GLRA3: variants seen among roughly 807,000 people sequenced by gnomAD.
GLRA3 encodes glycine receptor alpha 3, also known as glycine receptor subunit alpha-3.
A neutral mutation model predicts 60.4 loss-of-function variants in GLRA3; 44 were observed. The ratio of observed to expected loss-of-function variants is 0.73; its 90% CI spans 0.57 to 0.94. The LOEUF is 0.94. Ranked by LOEUF, GLRA3 falls within the 40% of genes least tolerant of loss-of-function variation. The probability of loss-of-function intolerance (pLI) is 0.00; values close to 1 mark genes in which losing one functional copy is unlikely to be tolerated. For missense variants in GLRA3, 508 were observed against 564.6 expected, an observed-to-expected ratio of 0.90 and a Z score of 1.02; for synonymous variants, 223 against 192.9, an observed-to-expected ratio of 1.16 and a Z score of -1.29.
At chr4:174,816,953 C>A (rs544646481) in intron 1 of GLRA3, among the ~76,000 whole-genome samples, 64 of 152,268 alleles carry the variant, frequency 4.2e-4, no homozygotes, top group Non-Finnish European at 4.4e-4. Context: ...CACCCCTCAA[C>A]TATTTCCATA....
At chr4:174,716,619 T>C (rs1169935826) in intron 4 of GLRA3, among the ~76,000 whole-genome samples, 1 of 152,134 alleles carries the variant, frequency 6.6e-6, no homozygotes, top group Non-Finnish European at 1.5e-5. Context: ...GTGGATTAGT[T>C]TACTTAAACT....
At chr4:174,656,616 TGC>T (rs1733217178) in intron 9 of GLRA3, 125 bp downstream of exon 9, 1 of 527,490 alleles carries the variant, frequency 1.9e-6, no homozygotes, top group South Asian at 3.2e-5. Flanking sequence ...GGATGATATT[TGC>T]TCAGCTTTCA....
At chr4:174,739,752 A>G (rs1736941429) in intron 3 of GLRA3, among the ~76,000 whole-genome samples, 1 of 152,206 alleles carries the variant, frequency 6.6e-6, no homozygotes, top group Non-Finnish European at 1.5e-5. Context: ...GCTACTTTGT[A>G]GCAAACATGG....
intron 2 of GLRA3, among the ~76,000 whole-genome samples, chr4:174,781,855 A>C (rs1249006531): frequency 6.6e-6 from 1 of 152,136 alleles, no homozygotes; most frequent in Non-Finnish European, 1.5e-5. Flanking sequence ...TCCAGGACCA[A>C]AAATGGATTC....
intron 1 of GLRA3, among the ~76,000 whole-genome samples, chr4:174,794,141 T>A (rs1739469903): frequency 6.6e-6 from 1 of 152,076 alleles, no homozygotes; most frequent in South Asian, 2.1e-4. Context: ...TAAAATAGAA[T>A]AAGAAAATAA....
intron 5 of GLRA3, among the ~76,000 whole-genome samples, chr4:174,694,208 A>C (rs528683807): frequency 1.3e-5 from 2 of 152,156 alleles, no homozygotes; most frequent in Non-Finnish European, 2.9e-5. Flanking sequence ...ACATATTCAG[A>C]ATGTAAACTC....
intron 3 of GLRA3, among the ~76,000 whole-genome samples, chr4:174,764,323 T>C (rs1490564871): frequency 6.6e-6 from 1 of 152,118 alleles, no homozygotes; most frequent in Non-Finnish European, 1.5e-5. Flanking sequence ...GAGCTCAATA[T>C]ATTTAGCCAG....
chr4:174,825,688 A>C (rs1179281217), intron 1 of GLRA3, among the ~76,000 whole-genome samples: 1 of 152,156 alleles, frequency 6.6e-6, no homozygotes, highest in Non-Finnish European at 1.5e-5. Flanking sequence ...AAAGCCATAG[A>C]AAAATTATTA....
intron 1 of GLRA3, among the ~76,000 whole-genome samples, chr4:174,821,201 G>C (rs1490232427): frequency 6.6e-6 from 1 of 152,124 alleles, no homozygotes; most frequent in Non-Finnish European, 1.5e-5. Context: ...ACGTTAGTAA[G>C]AGCAGCAGTG....
Position 174,658,300 on chromosome 4 carries a change from C to T in GLRA3, c.1071+754G>A, listed in dbSNP as rs553142289. 3.0e-4 allele frequency among the ~76,000 whole-genome samples: 46 copies of T among 152,170 alleles called. No homozygotes were observed. In the South Asian group the frequency reaches 8.1e-3, roughly 27 times the overall value. ...CATTAGAAGTAAATGCGTGGATCTG[C>T]GGTTGATAGAGGCTCTCTCTTATAG... On this transcript the variant is annotated intron_variant, in intron 8 of 9. Transcript: ENST00000274093.
intron 1 of GLRA3, among the ~76,000 whole-genome samples, chr4:174,808,908 A>C (rs1325132632): frequency 6.6e-6 from 1 of 152,212 alleles, no homozygotes; most frequent in African/African-American, 2.4e-5. Context: ...AAGAGTCAAA[A>C]ATTTAAAAAA....
chr4:174,821,138 T>A (rs889927695), intron 1 of GLRA3, among the ~76,000 whole-genome samples: 14 of 152,134 alleles, frequency 9.2e-5, no homozygotes, highest in African/African-American at 3.4e-4. Context: ...GACATAGAAA[T>A]GAAAATATTT....
Position 174,643,645 on chromosome 4 carries a change from CA to C in GLRA3, c.*140del. 1 of 1,387,884 alleles carries C rather than the reference CA, an allele frequency of 7.2e-7. No homozygotes were observed. The highest frequency in any genetic ancestry group is 9.4e-7 in the Non-Finnish European group (1 of 1,068,162). 86.0% of individuals were successfully genotyped at this position (1,387,884 alleles called of 1,614,324 possible). A position where few individuals can be genotyped will look rare whatever the true frequency, so the allele number is the denominator to read the frequency against. ...TTTCTCATGACTTTGCATAGCTAAC[CA>C]AAATACAAAGCTTTTCCATATGCCA... is the stretch of plus-strand genomic sequence containing the variant. On this transcript the variant is annotated 3_prime_UTR_variant, in exon 10 of 10. Coordinates refer to ENST00000274093, the MANE Select transcript of GLRA3 (RefSeq NM_006529.4).
intron 3 of GLRA3, among the ~76,000 whole-genome samples, chr4:174,729,088 A>G (rs952911888): frequency 5.9e-5 from 9 of 152,210 alleles, no homozygotes; most frequent in Non-Finnish European, 8.8e-5. Flanking sequence ...GGTTTTGGCC[A>G]TGTCTTCAGT....
chr4:174,765,739 A>G (rs1263476402), intron 3 of GLRA3, among the ~76,000 whole-genome samples: 2 of 152,048 alleles, frequency 1.3e-5, no homozygotes, highest in Admixed American at 6.6e-5. Flanking sequence ...ACCAAATGAC[A>G]TACGTCTTCT....
At chr4:174,782,270 C>A (rs1471556511) in intron 2 of GLRA3, among the ~76,000 whole-genome samples, 1 of 151,444 alleles carries the variant, frequency 6.6e-6, no homozygotes, top group Non-Finnish European at 1.5e-5. Flanking sequence ...TTCAACAACC[C>A]TTCATGCTAA....
At chr4:174,677,354 T>A (rs959573979) in intron 6 of GLRA3, 62 bp from the exon 7 acceptor site, 1 of 938,004 alleles carries the variant, frequency 1.1e-6, no homozygotes. Context: ...CGGCATCAAA[T>A]ATCACAATTT....
At chr4:174,818,997 C>G (rs1740625720) in intron 1 of GLRA3, among the ~76,000 whole-genome samples, 1 of 152,158 alleles carries the variant, frequency 6.6e-6, no homozygotes, top group Non-Finnish European at 1.5e-5. Context: ...CCATCTTTAT[C>G]ACTTATCAGA....
chr4:174,733,021 A>G (rs1239392698), intron 3 of GLRA3, among the ~76,000 whole-genome samples: 1 of 152,216 alleles, frequency 6.6e-6, no homozygotes, highest in Non-Finnish European at 1.5e-5. Context: ...ATTATACATC[A>G]TCACATATAT....
Sources: allele counts gnomAD v4.1 joint callset (sites outside exome capture counted in the v4.1 genomes callset), GRCh38; gene constraint gnomAD v4.1.1; transcripts MANE v1.5; gene names NCBI Gene and HGNC (gene_info 2026-07-23, HGNC 2026-07-21).